Variants in SCFD2 observed in about 807,000 individuals in gnomAD.
The protein encoded by SCFD2 is sec1 family domain containing 2.
SCFD2 carries 54 observed loss-of-function variants against 58.9 expected under a neutral mutation model. That is an observed-to-expected ratio of 0.92 (90% CI 0.74 to 1.15). The LOEUF is 1.15. Among genes scored for constraint, SCFD2 ranks in the 50% most tolerant of loss-of-function variants. The pLI, the probability that SCFD2 is intolerant of heterozygous loss-of-function variation, is 0.00. For synonymous variants in SCFD2, 321 were observed against 335.9 expected (o/e 0.96, Z 0.49); for missense variants, 805 against 836.6 (o/e 0.96, Z 0.47).
At chr4:53,011,660 C>A (rs1481459143) in intron 5 of SCFD2, among the ~76,000 whole-genome samples, 1 of 152,172 alleles carries the variant, frequency 6.6e-6, no homozygotes, top group Non-Finnish European at 1.5e-5. Context: ...CTTCTCATTT[C>A]AAATAGAAAC....
At chr4:52,897,455 A>G (rs1719052730) in intron 7 of SCFD2, among the ~76,000 whole-genome samples, 1 of 152,206 alleles carries the variant, frequency 6.6e-6, no homozygotes, top group Non-Finnish European at 1.5e-5. Flanking sequence ...AGGCTGGATT[A>G]AGTTTATTGA....
chr4:52,893,339 G>A (rs143000229), intron 7 of SCFD2, among the ~76,000 whole-genome samples: 104 of 151,960 alleles, frequency 6.8e-4, no homozygotes, highest in African/African-American at 2.4e-3. Flanking sequence ...CCCAGCAGCC[G>A]GAATTACAGG....
At position 53,359,750 on chromosome 4, in the gene SCFD2, G is replaced by C. The variant is rs867837605; in HGVS notation, c.838+5354C>G. On this transcript the variant is annotated intron_variant, in intron 1 of 8. Coordinates refer to ENST00000401642, the MANE Select transcript of SCFD2 (RefSeq NM_152540.4). ...ATGAGCTTCCCAGCTCCCTAAGCTT[G>C]CTGCATCCAGAAGGGCAAATCCATT... is the stretch of plus-strand genomic sequence containing the variant. Among the ~76,000 whole-genome samples, 30 of 152,154 alleles carry C rather than the reference G, an allele frequency of 2.0e-4. 1 individual carries two copies. Among genetic ancestry groups the C allele is most frequent in the African/African-American group, 6.5e-4 (27 of 41,440 alleles).
At chr4:53,027,355 G>C (rs1270126075) in intron 5 of SCFD2, among the ~76,000 whole-genome samples, 1 of 151,974 alleles carries the variant, frequency 6.6e-6, no homozygotes, top group Admixed American at 6.6e-5. Context: ...GGGCTGACCT[G>C]CTCAGTGTTG....
chr4:52,986,491 A>ATTTTTTTTTT (rs369944739), intron 5 of SCFD2, among the ~76,000 whole-genome samples: 1 of 84,944 alleles, frequency 1.2e-5, no homozygotes, highest in African/African-American at 4.7e-5. Context: ...TCTTCATGAA[A>ATTTTTTTTTT]TTTTTTTTTT....
At chr4:53,072,251 C>G (rs188036364) in intron 5 of SCFD2, among the ~76,000 whole-genome samples, 223 of 152,266 alleles carry the variant, frequency 1.5e-3, no homozygotes, top group African/African-American at 5.3e-3. Context: ...GTTAGTGATA[C>G]AGGAGCTAGA....
At chr4:53,237,277 C>A (rs1450764572) in intron 4 of SCFD2, among the ~76,000 whole-genome samples, 1 of 150,620 alleles carries the variant, frequency 6.6e-6, no homozygotes, top group Non-Finnish European at 1.5e-5. Flanking sequence ...ATTTCTCAAT[C>A]TTTTCCCCAC....
chr4:52,975,405 C>A lies in SCFD2; in HGVS notation c.1562-54535G>T, dbSNP rs1464482754. Among the ~76,000 whole-genome samples, 6 of 152,252 alleles carry A rather than the reference C, an allele frequency of 3.9e-5. No individual in the cohort carries two copies. The East Asian group carries it at 5.8e-4, about 15-fold the overall frequency. On this transcript the variant is annotated intron_variant, in intron 5 of 8. Coordinates refer to ENST00000401642, the MANE Select transcript of SCFD2 (RefSeq NM_152540.4). ...CAAAGGAAGACATTTATGCAGCCAA[C>A]AGACACATGAAAAAATGCTCATCAT...
intron 4 of SCFD2, among the ~76,000 whole-genome samples, chr4:53,246,010 A>G (rs1730057357): frequency 6.6e-6 from 1 of 152,318 alleles, no homozygotes. Context: ...CAGAATTCAA[A>G]ATCAGTGTAC....
At chr4:53,053,842 G>T (rs1723250974) in intron 5 of SCFD2, among the ~76,000 whole-genome samples, 1 of 151,914 alleles carries the variant, frequency 6.6e-6, no homozygotes, top group East Asian at 1.9e-4. Context: ...TATTTTCAGG[G>T]TACATGTGAT....
chr4:53,043,152 G>T (rs1373676845), intron 5 of SCFD2, among the ~76,000 whole-genome samples: 1 of 152,160 alleles, frequency 6.6e-6, no homozygotes, highest in African/African-American at 2.4e-5. Context: ...AGGGAAGGAG[G>T]TTAGGAAAAC....
At chr4:53,184,896 T>G (rs1225331992) in intron 4 of SCFD2, among the ~76,000 whole-genome samples, 2 of 152,230 alleles carry the variant, frequency 1.3e-5, no homozygotes, top group African/African-American at 2.4e-5. Flanking sequence ...ACTTTCCTGG[T>G]GAGCAAGCAT....
intron 7 of SCFD2, among the ~76,000 whole-genome samples, chr4:52,895,839 T>C (rs901197789): frequency 2.0e-5 from 3 of 152,232 alleles, no homozygotes; most frequent in Non-Finnish European, 2.9e-5. Flanking sequence ...TCCTGACTTT[T>C]AAATGATCGC....
At chr4:53,205,437 C>T (rs1728376125) in intron 4 of SCFD2, among the ~76,000 whole-genome samples, 1 of 151,952 alleles carries the variant, frequency 6.6e-6, no homozygotes, top group South Asian at 2.1e-4. Flanking sequence ...AAGATGATGC[C>T]TACAATGAGA....
chr4:53,035,990 A>T (rs1288414648), intron 5 of SCFD2, among the ~76,000 whole-genome samples: 1 of 152,164 alleles, frequency 6.6e-6, no homozygotes, highest in East Asian at 1.9e-4. Flanking sequence ...TACCCAAAGG[A>T]TTATAAATCA....
intron 4 of SCFD2, among the ~76,000 whole-genome samples, chr4:53,261,667 C>T (rs768709109): frequency 1.2e-4 from 19 of 152,030 alleles, no homozygotes; most frequent in Non-Finnish European, 2.2e-4. Context: ...GAGAACATTC[C>T]ATGTGCTGAT....
chr4:52,988,294 A>G (rs1377362966), intron 5 of SCFD2, among the ~76,000 whole-genome samples: 1 of 152,218 alleles, frequency 6.6e-6, no homozygotes, highest in Non-Finnish European at 1.5e-5. Context: ...TTAAGGATGA[A>G]CAGAAAAGTT....
At chr4:53,165,627 A>G (rs1258297237) in intron 4 of SCFD2, among the ~76,000 whole-genome samples, 2 of 152,106 alleles carry the variant, frequency 1.3e-5, no homozygotes, top group African/African-American at 2.4e-5. Flanking sequence ...TCTCTGGTTT[A>G]TATTTCTCTA....
intron 5 of SCFD2, among the ~76,000 whole-genome samples, chr4:53,066,042 T>C (rs17082373): frequency 0.015 from 2,310 of 152,202 alleles, 67 homozygotes; most frequent in African/African-American, 0.053. Context: ...GAACTACGCT[T>C]TGAAGTAAAA....
Sources: allele counts gnomAD v4.1 joint callset (sites outside exome capture counted in the v4.1 genomes callset), GRCh38; gene constraint gnomAD v4.1.1; transcripts MANE v1.5; gene names NCBI Gene and HGNC (gene_info 2026-07-23, HGNC 2026-07-21).